Variants in MARCHF1 observed in about 807,000 individuals in gnomAD.
MARCHF1 encodes the protein E3 ubiquitin-protein ligase MARCHF1.
A neutral mutation model predicts 54.2 loss-of-function variants in MARCHF1; 40 were observed. The observed-to-expected ratio is 0.74, with a 90% CI of 0.57 to 0.96. MARCHF1 has a LOEUF of 0.96. Among genes scored for constraint, MARCHF1 ranks in the 40% least tolerant of loss-of-function variants. The pLI, the probability that MARCHF1 is intolerant of heterozygous loss-of-function variation, is 0.00. For synonymous variants in MARCHF1, 236 were observed against 236.3 expected (o/e 1.00, Z 0.01); for missense variants, 586 against 656.5 (o/e 0.89, Z 1.17).
At chr4:163,626,874 C>A (rs569393713) in intron 5 of MARCHF1, among the ~76,000 whole-genome samples, 3 of 152,128 alleles carry the variant, frequency 2.0e-5, no homozygotes, top group Non-Finnish European at 4.4e-5. Context: ...TTGCAGTGAG[C>A]GAGATCATGC....
rs151086554 is a variant in MARCHF1 at position 163,845,071 on chromosome 4, G to C, written c.111+8950C>G. Among the ~76,000 whole-genome samples, 817 of 152,260 alleles carry C rather than the reference G, an allele frequency of 5.4e-3. 5 individuals carry two copies. Among genetic ancestry groups the C allele is most frequent in the Middle Eastern group, 0.031 (9 of 294 alleles). On this transcript the variant is annotated intron_variant, in intron 4 of 9. Transcript: ENST00000514618. Reference sequence around the variant, plus strand: ...TTTCTCTCTCTGTATAAGGAGAAGAGTTATTACCTACTTTCAGAGTTACTG... The same window carrying C: ...TTTCTCTCTCTGTATAAGGAGAAGACTTATTACCTACTTTCAGAGTTACTG...
intron 5 of MARCHF1, among the ~76,000 whole-genome samples, chr4:163,634,745 A>T (rs1457311933): frequency 6.7e-6 from 1 of 148,442 alleles, no homozygotes; most frequent in East Asian, 2.1e-4. Flanking sequence ...CACCAAGCGG[A>T]CCTAATAGAC....
chr4:163,909,002 A>C (rs1306729810), intron 3 of MARCHF1, among the ~76,000 whole-genome samples: 1 of 152,152 alleles, frequency 6.6e-6, no homozygotes, highest in African/African-American at 2.4e-5. Flanking sequence ...AAGAGGTAAA[A>C]ATATAACATT....
chr4:164,197,563 A>G, intron 1 of MARCHF1: 2 of 1,613,244 alleles, frequency 1.2e-6, no homozygotes, highest in Non-Finnish European at 1.7e-6. Flanking sequence ...GCCTCCGTTG[A>G]TTTTACTTAA....
intron 1 of MARCHF1, among the ~76,000 whole-genome samples, chr4:164,142,435 G>T (rs13145754): frequency 0.18 from 27,518 of 152,160 alleles, 3,037 homozygotes; most frequent in Non-Finnish European, 0.26. Context: ...TGACAGCTTT[G>T]AAGAGAGCAG....
chr4:163,812,700 G>T (rs975940613), intron 4 of MARCHF1, among the ~76,000 whole-genome samples: 3 of 152,168 alleles, frequency 2.0e-5, no homozygotes, highest in Admixed American at 6.6e-5. Flanking sequence ...GGGAGTTGCA[G>T]TAAGCAGAGA....
At chr4:164,307,920 C>T (rs1195602472) in intron 1 of MARCHF1, among the ~76,000 whole-genome samples, 2 of 152,166 alleles carry the variant, frequency 1.3e-5, no homozygotes, top group Non-Finnish European at 2.9e-5. Flanking sequence ...AACTGTGGTG[C>T]TGTAAATGCT....
At chr4:163,913,460 G>A (rs183061619) in intron 3 of MARCHF1, among the ~76,000 whole-genome samples, 10 of 152,098 alleles carry the variant, frequency 6.6e-5, no homozygotes, top group African/African-American at 2.2e-4. Context: ...CTAGTCTTAC[G>A]TTTAGAACTC....
At chr4:164,252,630 T>G (rs559394982) in intron 1 of MARCHF1, among the ~76,000 whole-genome samples, 1 of 152,268 alleles carries the variant, frequency 6.6e-6, no homozygotes, top group South Asian at 2.1e-4. Flanking sequence ...AATCAATGAA[T>G]TTTACATAGT....
chr4:163,610,547 C>T (rs974692425), intron 7 of MARCHF1, among the ~76,000 whole-genome samples: 8 of 152,004 alleles, frequency 5.3e-5, no homozygotes, highest in African/African-American at 1.9e-4. Flanking sequence ...CTTTGACTGT[C>T]TTTCATTAGA....
intron 1 of MARCHF1, among the ~76,000 whole-genome samples, chr4:164,164,232 T>A (rs116159363): frequency 0.016 from 2,500 of 151,560 alleles, 59 homozygotes; most frequent in African/African-American, 0.056. Context: ...ATAATAAATA[T>A]TAGAGGAGAA....
Position 164,325,468 on chromosome 4 carries a change from T to C in MARCHF1, c.-323+58402A>G, listed in dbSNP as rs114152894. ...TTGCTACATACCTAAAAGTATTAAGTTGGAACCCTTTCTTACGTCATATAC... is the reference window on the plus strand; with the variant it reads ...TTGCTACATACCTAAAAGTATTAAGCTGGAACCCTTTCTTACGTCATATAC... On this transcript the variant is annotated intron_variant, in intron 1 of 9. Coordinates refer to ENST00000514618, the MANE Select transcript of MARCHF1 (RefSeq NM_001394959.1). Among the ~76,000 whole-genome samples the C allele has an allele frequency of 3.5e-3, 535 of 151,968 alleles. 5 individuals are homozygous for C. The highest frequency in any genetic ancestry group is 0.012 in the African/African-American group (514 of 41,474).
intron 1 of MARCHF1, among the ~76,000 whole-genome samples, chr4:164,281,113 G>T (rs564425192): frequency 3.3e-5 from 5 of 152,232 alleles, no homozygotes; most frequent in African/African-American, 1.2e-4. Flanking sequence ...CTGTTAGAGT[G>T]CATGATCTTC....
At chr4:164,369,630 T>A (rs755714284) in intron 1 of MARCHF1, among the ~76,000 whole-genome samples, 15 of 152,284 alleles carry the variant, frequency 9.9e-5, no homozygotes, top group Non-Finnish European at 2.2e-4. Flanking sequence ...TACTAATGTA[T>A]GTAATTATAT....
chr4:163,606,942 T>C (rs1741164172), intron 7 of MARCHF1, among the ~76,000 whole-genome samples: 1 of 152,064 alleles, frequency 6.6e-6, no homozygotes, highest in Admixed American at 6.6e-5. Flanking sequence ...CATGTATAAG[T>C]GCTTGAAAAG....
rs113915630 is a variant in MARCHF1 at position 163,865,737 on chromosome 4, T to A, written c.-38-11568A>T. ...AGCACAACAGCTGGGGTGGGGGTGT[T>A]TTATTATTTAATATAATATAAAATC... is the stretch of plus-strand genomic sequence containing the variant. On this transcript the variant is annotated intron_variant, in intron 3 of 9. Coordinates refer to ENST00000514618, the MANE Select transcript of MARCHF1 (RefSeq NM_001394959.1). Among the ~76,000 whole-genome samples the A allele has an allele frequency of 9.3e-3, 1,408 of 151,812 alleles. 27 individuals are homozygous for A. The highest frequency in any genetic ancestry group is 0.032 in the African/African-American group (1,343 of 41,512).
chr4:164,343,216 A>T (rs1183140646), intron 1 of MARCHF1, among the ~76,000 whole-genome samples: 2 of 152,170 alleles, frequency 1.3e-5, no homozygotes, highest in Non-Finnish European at 2.9e-5. Flanking sequence ...TCATTTCACA[A>T]TGTATACATA....
At chr4:163,875,735 T>C (rs1750273860) in intron 3 of MARCHF1, among the ~76,000 whole-genome samples, 1 of 152,176 alleles carries the variant, frequency 6.6e-6, no homozygotes, top group African/African-American at 2.4e-5. Context: ...TTGCAAATTG[T>C]TAAGACTCTC....
At chr4:164,195,683 G>A (rs1183475997) in intron 1 of MARCHF1, among the ~76,000 whole-genome samples, 1 of 152,108 alleles carries the variant, frequency 6.6e-6, no homozygotes, top group Admixed American at 6.5e-5. Flanking sequence ...AAACAGACCA[G>A]GAAGATTATA....
Sources: allele counts gnomAD v4.1 joint callset (sites outside exome capture counted in the v4.1 genomes callset), GRCh38; gene constraint gnomAD v4.1.1; transcripts MANE v1.5; gene names NCBI Gene and HGNC (gene_info 2026-07-23, HGNC 2026-07-21).